TACC2: variants seen among roughly 807,000 people sequenced by gnomAD.
TACC2 encodes transforming acidic coiled-coil-containing protein 2.
In TACC2, 137 loss-of-function variants were observed where a neutral mutation model predicts 227.3. The observed-to-expected ratio is 0.60, with a 90% CI of 0.52 to 0.69. The LOEUF (loss-of-function observed/expected upper bound fraction) is 0.69, where lower values mean the gene tolerates loss of function less well. TACC2 is among the 30% of genes least tolerant of loss of function. The probability of loss-of-function intolerance (pLI) is 0.00; values close to 1 mark genes in which losing one functional copy is unlikely to be tolerated. For synonymous variants in TACC2, 1,523 were observed against 1,487.5 expected, an observed-to-expected ratio of 1.02 and a Z score of -0.55; for missense variants, 3,470 against 3,694.4, an observed-to-expected ratio of 0.94 and a Z score of 1.57.
At chr10:122,136,536 T>C in intron 6 of TACC2, among the ~76,000 whole-genome samples, 1 of 74,444 alleles carries the variant, frequency 1.3e-5, no homozygotes, top group African/African-American at 3.5e-5. Flanking sequence ...TGTATGTTTG[T>C]GTGTGTGTGT....
chr10:122,187,123 T>A (rs1459730159), intron 7 of TACC2, among the ~76,000 whole-genome samples: 4 of 152,192 alleles, frequency 2.6e-5, no homozygotes, highest in African/African-American at 9.7e-5. Context: ...TTGTCACAAA[T>A]AAGCCAATTT....
At chr10:122,030,149 A>C (rs1958765379) in intron 2 of TACC2, among the ~76,000 whole-genome samples, 1 of 152,160 alleles carries the variant, frequency 6.6e-6, no homozygotes, top group Non-Finnish European at 1.5e-5. Context: ...ATACAAGAAC[A>C]TTTGGCTTAA....
In TACC2 at chr10:122,210,412, C is replaced by T. The variant is rs745501319; in HGVS notation, c.5987C>T (p.Thr1996Ile). ...PPEEPGCGSE[T>I]VPVPDGPRSD... ...GTTTCCCCAGGATGTGGTTCTGAGA[C>T]AGTCCCTGTCCCTGATGGCCCACGG... Residue 1996 changes from threonine (T) to isoleucine (I), a missense_variant, in exon 9 of 23, where the codon ACA becomes ATA. Thr to Ile is a moderately conservative substitution (Grantham distance 89). Coordinates refer to ENST00000369005, the MANE Select transcript of TACC2 (RefSeq NM_206862.4). The surrounding 1 kb of genome is among the most constrained non-coding windows in gnomAD (Gnocchi z 4.6). The T allele has an allele frequency of 1.9e-6, 3 of 1,613,988 alleles. No individual in the cohort carries two copies. Among genetic ancestry groups the T allele is most frequent in the African/African-American group, 1.3e-5 (1 of 75,042 alleles).
Position 122,150,989 on chromosome 10 carries a change from A to G in TACC2, c.5834+7283A>G, listed in dbSNP as rs2091982442. On this transcript the variant is annotated intron_variant, in intron 7 of 22. Coordinates refer to ENST00000369005, the MANE Select transcript of TACC2 (RefSeq NM_206862.4). This position sits in a 1 kb window ranked among gnomAD's most constrained non-coding sequence, Gnocchi z 4.0. Reference sequence around the variant, plus strand: ...TGGCATGAGTTACTTGACTACTCTGAGCCTTGGTTTACCCATCTTTAAGAT... The same window carrying G: ...TGGCATGAGTTACTTGACTACTCTGGGCCTTGGTTTACCCATCTTTAAGAT... Among the ~76,000 whole-genome samples the G allele has an allele frequency of 2.0e-5, 3 of 152,112 alleles. No homozygotes were observed. The highest frequency in any genetic ancestry group is 4.1e-4 in the South Asian group (2 of 4,820).
intron 20 of TACC2, 37 bp from the exon 21 acceptor site, chr10:122,249,013 G>T (rs376213220): frequency 2.5e-5 from 39 of 1,586,696 alleles, no homozygotes; most frequent in Non-Finnish European, 3.2e-5. Context: ...ATTTGTTCTC[G>T]TGGGCTTGAC....
intron 3 of TACC2, among the ~76,000 whole-genome samples, chr10:122,072,467 A>G (rs939033583): frequency 1.3e-5 from 2 of 152,194 alleles, no homozygotes; most frequent in African/African-American, 4.8e-5. Flanking sequence ...TGTTTGGACA[A>G]GTTAGGACCA....
chr10:122,033,046 C>G (rs534036752), intron 2 of TACC2: 1 of 1,178,838 alleles, frequency 8.5e-7, no homozygotes, highest in Non-Finnish European at 1.1e-6. Flanking sequence ...TCCATCTGGT[C>G]CTGTTCCCTG....
chr10:122,192,197 C>T (rs544501828), intron 7 of TACC2, among the ~76,000 whole-genome samples: 2 of 152,272 alleles, frequency 1.3e-5, no homozygotes, highest in African/African-American at 4.8e-5. Context: ...ATGCAGAGAT[C>T]GTTCATAGTA....
At chr10:122,115,471 G>A (rs2084515658) in intron 5 of TACC2, among the ~76,000 whole-genome samples, 1 of 152,220 alleles carries the variant, frequency 6.6e-6, no homozygotes, top group South Asian at 2.1e-4. Context: ...TTGTCCCAGT[G>A]ACTGGGGAGG....
Position 122,086,144 on chromosome 10 carries a change from C to T in TACC2, c.3644C>T (p.Ala1215Val), listed in dbSNP as rs146828853. ...ACCATGGATTTTTCTACACACCAGG[C>T]TGTCCCAGACCCAAAGGAGCTCCTG... ...RSTMDFSTHQ[A>V]VPDPKELLLS... Residue 1215 changes from alanine to valine, a missense_variant, in exon 4 of 23, where the codon GCT (alanine) becomes GTT (valine). Transcript: ENST00000369005. 323 of 1,613,476 alleles carry T rather than the reference C, an allele frequency of 2.0e-4. 2 individuals carry two copies. Among genetic ancestry groups the T allele is most frequent in the Non-Finnish European group, 3.4e-5 (40 of 1,179,994 alleles).
intron 3 of TACC2, among the ~76,000 whole-genome samples, chr10:122,057,936 T>A (rs2076375391): frequency 6.6e-6 from 1 of 152,136 alleles, no homozygotes. Context: ...TCCTAAGGGT[T>A]CAACAGAAAC....
At chr10:122,089,418 C>G (rs1442767108) in intron 5 of TACC2, among the ~76,000 whole-genome samples, 1 of 152,218 alleles carries the variant, frequency 6.6e-6, no homozygotes, top group Non-Finnish European at 1.5e-5. Context: ...TCCAGGAGAT[C>G]TCGAGATTCA....
intron 12 of TACC2, among the ~76,000 whole-genome samples, chr10:122,225,208 C>G (rs2095602827): frequency 6.6e-6 from 1 of 152,222 alleles, no homozygotes; most frequent in Admixed American, 6.5e-5. Flanking sequence ...ATGATGGGCA[C>G]TGTCTTTCCT....
In TACC2 at chr10:122,210,582, G is replaced by A. The variant is rs116183037; in HGVS notation, c.6157G>A (p.Glu2053Lys). The A allele has an allele frequency of 8.2e-4, 1,319 of 1,614,086 alleles. 5 individuals carry two copies. The highest frequency in any genetic ancestry group is 3.6e-3 in the South Asian group (331 of 91,056). The change falls in exon 9 of 23, where the codon GAG becomes AAG. Residue 2053 changes from glutamate to lysine, a missense_variant. Glu to Lys is a moderately conservative substitution (Grantham distance 56). Around this residue, in one of 10 missense-constraint regions of TACC2, gnomAD observed 593 missense variants for 636.6 expected, o/e 0.93. Transcript: ENST00000369005. This position sits in a 1 kb window ranked among gnomAD's most constrained non-coding sequence, Gnocchi z 4.6. ...GCTTGTGGATACCTTTCAGACCTTG[G>A]AGCCTCGTGCCTCAGACGCTAAGAA... Reference protein sequence around the residue: ...IELVDTFQTLEPRASDAKNQE... With the variant: ...IELVDTFQTLKPRASDAKNQE...
At chr10:122,089,602 C>T (rs12242375) in intron 5 of TACC2, among the ~76,000 whole-genome samples, 8,132 of 152,292 alleles carry the variant, frequency 0.053, 232 homozygotes, top group South Asian at 0.096. Context: ...ACAAGCTTTC[C>T]GCCTCCCTAG....
rs1275295684 is a variant in TACC2 at position 122,211,101 on chromosome 10, T to C, written c.6676T>C (p.Ser2226Pro). ...PASGGGRVQN[S>P]PPVGRKTLPL... ...TTCTGGAGGTGGCAGAGTGCAGAAC[T>C]CACCCCCTGTCGGGAGGAAAACGCT... Residue 2226 changes from serine to proline, a missense_variant, in exon 9 of 23, where the codon TCA (serine) becomes CCA (proline). Transcript: ENST00000369005. 6.2e-7 allele frequency: 1 copy of C among 1,611,804 alleles called. No individual in the cohort carries two copies. The highest frequency in any genetic ancestry group is 8.5e-7 in the Non-Finnish European group (1 of 1,179,062).
In TACC2 at chr10:122,226,447, G is replaced by T. The variant is rs139196844; in HGVS notation, c.7690G>T (p.Val2564Phe). The T allele has an allele frequency of 6.2e-7, 1 of 1,613,882 alleles. No individual in the cohort carries two copies. The change falls in exon 13 of 23, where the codon GTC (valine) becomes TTC (phenylalanine). Residue 2564 changes from valine to phenylalanine, a missense_variant. This residue lies in a region of TACC2 where 345 missense variants were observed against 354.4 expected (regional missense o/e 0.97). Transcript: ENST00000369005. ...GGAGAGCCCTGTCAAGTCATCTCCC[G>T]TCCGCATGTCAGAGTCCCCGACGCC... ...SQESPVKSSPVRMSESPTPCS... is the reference protein window; with the variant it reads ...SQESPVKSSPFRMSESPTPCS...
At chr10:122,096,152 T>A (rs1458372263) in intron 5 of TACC2, among the ~76,000 whole-genome samples, 1 of 152,178 alleles carries the variant, frequency 6.6e-6, no homozygotes, top group Non-Finnish European at 1.5e-5. Flanking sequence ...GAATGGAGGC[T>A]GAGGTGTGTT....
chr10:122,114,598 C>T (rs891203200), intron 5 of TACC2, among the ~76,000 whole-genome samples: 4 of 152,134 alleles, frequency 2.6e-5, no homozygotes, highest in Non-Finnish European at 5.9e-5. Flanking sequence ...ACTAATTCTC[C>T]GGGAAGGAAA....
Sources: gnomAD v4.1 joint callset for allele counts (sites outside exome capture counted in the v4.1 genomes callset) on GRCh38, gnomAD v4.1.1 for gene constraint, gnomAD v4.1.1 regional missense constraint, Gnocchi (gnomAD v3.1) non-coding constraint, MANE v1.5 for transcripts, NCBI Gene and HGNC (gene_info 2026-07-23, HGNC 2026-07-21) for gene names.